Variants in NTRK2 observed in about 807,000 individuals in gnomAD.
NTRK2 encodes neurotrophic receptor tyrosine kinase 2.
In NTRK2, 13 loss-of-function variants were observed where a neutral mutation model predicts 94.5. The observed-to-expected ratio is 0.14, with a 90% confidence interval of 0.09 to 0.22. The LOEUF (loss-of-function observed/expected upper bound fraction) is 0.22. Among genes scored for constraint, NTRK2 ranks in the 10% least tolerant of loss-of-function variants. The pLI is 1.00. For missense variants in NTRK2, 639 were observed against 1,071.2 expected, an observed-to-expected ratio of 0.60 and a Z score of 5.63; for synonymous variants, 372 against 407.4, an observed-to-expected ratio of 0.91 and a Z score of 1.05.
chr9:84,895,197 A>G (rs889936533), intron 14 of NTRK2, among the ~76,000 whole-genome samples: 2 of 152,180 alleles, frequency 1.3e-5, no homozygotes, highest in Admixed American at 1.3e-4. Flanking sequence ...GCAACTTTCC[A>G]GGCCTCACTT....
chr9:84,775,252 T>C (rs1539676), intron 12 of NTRK2, among the ~76,000 whole-genome samples: 101,972 of 152,212 alleles, frequency 0.67, 34,695 homozygotes, highest in East Asian at 0.74. Flanking sequence ...CAGAGAGAAT[T>C]GAATCTGCTT....
chr9:84,929,368 G>C (rs1001608371), intron 14 of NTRK2, among the ~76,000 whole-genome samples: 2 of 152,196 alleles, frequency 1.3e-5, no homozygotes, highest in African/African-American at 2.4e-5. Flanking sequence ...ATCAGTGACA[G>C]GGTTGCCCAG....
intron 14 of NTRK2, among the ~76,000 whole-genome samples, chr9:84,921,264 A>G (rs769838470): frequency 7.9e-5 from 12 of 152,228 alleles, no homozygotes; most frequent in Non-Finnish European, 1.2e-4. Flanking sequence ...TCTTATTACT[A>G]TCCTCAAAAG....
At chr9:84,829,559 C>T (rs1260105008) in intron 12 of NTRK2, among the ~76,000 whole-genome samples, 1 of 152,138 alleles carries the variant, frequency 6.6e-6, no homozygotes, top group Non-Finnish European at 1.5e-5. Context: ...TTCTCAGGAT[C>T]TGGTGTGTTG....
At chr9:84,994,568 T>TGG (rs1230540503) in intron 17 of NTRK2, among the ~76,000 whole-genome samples, 9 of 152,300 alleles carry the variant, frequency 5.9e-5, no homozygotes, top group African/African-American at 2.2e-4. Context: ...CTCTTTATTG[T>TGG]TACCACTCCC....
chr9:84,963,237 A>T (rs1180731278), intron 17 of NTRK2, among the ~76,000 whole-genome samples: 2 of 152,204 alleles, frequency 1.3e-5, no homozygotes, highest in Non-Finnish European at 2.9e-5. Context: ...CATTGGCCAG[A>T]GGTGGGTCAA....
intron 14 of NTRK2, chr9:84,876,041 C>T (rs1483195785): frequency 1.8e-5 from 18 of 1,022,720 alleles, no homozygotes; most frequent in African/African-American, 1.0e-4. Flanking sequence ...TTATTCATTA[C>T]TGTATATGGG....
intron 11 of NTRK2, among the ~76,000 whole-genome samples, chr9:84,745,462 C>A (rs1038885068): frequency 6.6e-6 from 1 of 152,002 alleles, no homozygotes; most frequent in Non-Finnish European, 1.5e-5. Flanking sequence ...AAGGGACTGG[C>A]GGTGGAGGGG....
intron 12 of NTRK2, among the ~76,000 whole-genome samples, chr9:84,825,003 T>G (rs1482847202): frequency 2.0e-5 from 3 of 151,984 alleles, no homozygotes; most frequent in Non-Finnish European, 4.4e-5. Flanking sequence ...TTTTTTTTTT[T>G]TTTAACTGAG....
chr9:84,721,378 AT>A (rs1355333326), intron 6 of NTRK2, among the ~76,000 whole-genome samples: 3 of 151,994 alleles, frequency 2.0e-5, no homozygotes, highest in African/African-American at 7.2e-5. Flanking sequence ...GGGTTTCACT[AT>A]GTTGTTTAGG....
At position 84,948,537 on chromosome 9, in the gene NTRK2, G is replaced by A; in HGVS notation, c.1840G>A (p.Glu614Lys). 6.2e-7 allele frequency: 1 copy of A among 1,614,094 alleles called. No individual in the cohort carries two copies. ...CGAGCTCCTGACCAACCTCCAGCAT[G>A]AGCACATCGTCAAGTTCTATGGCGT... The part of the protein sequence containing the change: ...EAELLTNLQH[E>K]HIVKFYGVCV... The change falls in exon 16 of 19, where the codon GAG (glutamate) becomes AAG (lysine). Residue 614 changes from glutamate to lysine, a missense_variant. Around this residue, in one of 5 missense-constraint regions of NTRK2, gnomAD observed 343 missense variants for 571.5 expected, o/e 0.60. Coordinates refer to ENST00000277120, the MANE Select transcript of NTRK2 (RefSeq NM_006180.6).
intron 17 of NTRK2, 113 bp from the exon 18 acceptor site, chr9:85,020,093 C>A (rs984478301): frequency 3.6e-6 from 4 of 1,123,076 alleles, no homozygotes; most frequent in Admixed American, 1.7e-5. Flanking sequence ...TGTTTATAAA[C>A]AATTAAAACT....
intron 17 of NTRK2, among the ~76,000 whole-genome samples, chr9:84,958,550 G>A (rs1156602959): frequency 6.6e-6 from 1 of 152,162 alleles, no homozygotes; most frequent in Admixed American, 6.5e-5. Flanking sequence ...CAGATGCCAT[G>A]TTAATTTCAC....
chr9:84,951,360 A>G (rs527352067), intron 16 of NTRK2, among the ~76,000 whole-genome samples: 4 of 152,360 alleles, frequency 2.6e-5, no homozygotes, highest in Non-Finnish European at 5.9e-5. Context: ...GGAAGAAAAA[A>G]GCTGAATGTG....
At chr9:84,723,425 AG>A in intron 6 of NTRK2, 147 bp from the exon 7 acceptor site, 7 of 869,568 alleles carry the variant, frequency 8.0e-6, no homozygotes, top group Non-Finnish European at 1.3e-5. Context: ...TGATCAAAGT[AG>A]CACTTTTTCA....
chr9:85,001,915 C>T (rs965314634), intron 17 of NTRK2, among the ~76,000 whole-genome samples: 18 of 152,206 alleles, frequency 1.2e-4, no homozygotes, highest in Non-Finnish European at 2.4e-4. Context: ...CAATTGAAAA[C>T]GCCCCCCTAG....
chr9:84,732,828 A>G (rs2062983357), intron 9 of NTRK2, among the ~76,000 whole-genome samples: 1 of 152,110 alleles, frequency 6.6e-6, no homozygotes, highest in Non-Finnish European at 1.5e-5. Context: ...TTTCCTGGAT[A>G]CCTTTGTGGG....
chr9:84,710,279 G>T (rs1287990427), intron 5 of NTRK2, among the ~76,000 whole-genome samples: 2 of 152,118 alleles, frequency 1.3e-5, no homozygotes, highest in African/African-American at 2.4e-5. Context: ...AAAACTTCTT[G>T]TTGGCATCCT....
intron 12 of NTRK2, among the ~76,000 whole-genome samples, chr9:84,857,052 C>T (rs1354560793): frequency 6.6e-6 from 1 of 152,016 alleles, no homozygotes; most frequent in African/African-American, 2.4e-5. Flanking sequence ...ATAAATCTTC[C>T]TTTTCAACCC....
Sources: gnomAD v4.1 joint callset for allele counts (sites outside exome capture counted in the v4.1 genomes callset) on GRCh38, gnomAD v4.1.1 for gene constraint, gnomAD v4.1.1 regional missense constraint, MANE v1.5 for transcripts, NCBI Gene and HGNC (gene_info 2026-07-23, HGNC 2026-07-21) for gene names.